The following VPS13C variants were observed in gnomAD, a reference collection of about 807,000 sequenced individuals.
VPS13C encodes vacuolar protein sorting 13 homolog C.
In VPS13C, 358 loss-of-function variants were observed where a neutral mutation model predicts 456.8. The ratio of observed to expected loss-of-function variants is 0.78; its 90% CI spans 0.72 to 0.86. The LOEUF (loss-of-function observed/expected upper bound fraction) is 0.86. Ranked by LOEUF, VPS13C falls within the 40% of genes least tolerant of loss-of-function variation. The pLI is 0.00. For synonymous variants in VPS13C, 1,578 were observed against 1,486.7 expected (o/e 1.06, Z -1.41); for missense variants, 4,818 against 4,385.4 (o/e 1.10, Z -2.79).
In VPS13C at chr15:62,013,075, G is replaced by A; in HGVS notation, c.789C>T (p.Cys263=). The change falls in exon 11 of 85, where the codon TGC becomes TGT. Residue 263 remains cysteine (C), a synonymous_variant. Coordinates refer to ENST00000644861, the MANE Select transcript of VPS13C (RefSeq NM_020821.3). ...CCCTTGATCTCTGGTAAGACATGCT[G>A]CAATTTACATTCCAGTAGGCGCTAA... ...DSLSAYWNVN[C]SMSYQRSREQ... The A allele has an allele frequency of 6.2e-7, 1 of 1,610,824 alleles. No individual in the cohort carries two copies. The highest frequency in any genetic ancestry group is 8.5e-7 in the Non-Finnish European group (1 of 1,178,282).
intron 3 of VPS13C, among the ~76,000 whole-genome samples, chr15:62,039,143 T>C (rs1245362777): frequency 6.6e-6 from 1 of 152,188 alleles, no homozygotes; most frequent in East Asian, 1.9e-4. Context: ...CATATGTTTA[T>C]CACAGCACTA....
chr15:61,970,718 C>T (rs2045520584), intron 27 of VPS13C, among the ~76,000 whole-genome samples: 1 of 151,880 alleles, frequency 6.6e-6, no homozygotes, highest in South Asian at 2.1e-4. Flanking sequence ...GTTATAGTAA[C>T]AGAAAACAAA....
At chr15:61,971,207 T>C (rs1329628922) in intron 27 of VPS13C, among the ~76,000 whole-genome samples, 1 of 152,194 alleles carries the variant, frequency 6.6e-6, no homozygotes, top group Non-Finnish European at 1.5e-5. Flanking sequence ...TTGAAGTCAG[T>C]GGAGGATACT....
At chr15:61,965,903 G>A (rs1011756687) in intron 30 of VPS13C, among the ~76,000 whole-genome samples, 180 bp downstream of exon 30, 1 of 151,766 alleles carries the variant, frequency 6.6e-6, no homozygotes, top group Admixed American at 6.6e-5. Context: ...TAACAAAACA[G>A]CTTTACTAAG....
At chr15:61,871,941 G>T in intron 79 of VPS13C, 48 bp downstream of exon 79, 9 of 1,506,898 alleles carry the variant, frequency 6.0e-6, no homozygotes, top group Non-Finnish European at 8.2e-6. Flanking sequence ...TTTACTAATA[G>T]CATCAAGTCT....
intron 46 of VPS13C, 98 bp from the exon 47 acceptor site, chr15:61,940,892 G>A: frequency 8.1e-7 from 1 of 1,234,416 alleles, no homozygotes; most frequent in Non-Finnish European, 1.1e-6. Context: ...ATTTCATAAA[G>A]GCTAAAAGCT....
In VPS13C at chr15:61,867,272, A is replaced by G; in HGVS notation, c.10863+1387T>C. 3 of 984,504 alleles carry G rather than the reference A, an allele frequency of 3.0e-6. No homozygotes were observed. Among genetic ancestry groups the G allele is most frequent in the Middle Eastern group, 5.2e-4 (1 of 1,912 alleles). The allele number at this position is 984,504 out of a possible 1,614,324, so 61.0% of individuals were successfully genotyped here. A position where few individuals can be genotyped will look rare whatever the true frequency, so the allele number is the denominator to read the frequency against. ...AAAGCAGAAATGCTAAAGGCTGAAA[A>G]TGTATATAACATAATTATAAAATGG... On this transcript the variant is annotated intron_variant, in intron 81 of 84. Transcript: ENST00000644861. The surrounding 1 kb of genome is among the most constrained non-coding windows in gnomAD (Gnocchi z 5.0).
chr15:61,942,070 G>T lies in VPS13C; in HGVS notation c.5149-3C>A. The T allele has an allele frequency of 6.4e-7, 1 of 1,566,474 alleles. No homozygotes were observed. Among genetic ancestry groups the T allele is most frequent in the Non-Finnish European group, 8.7e-7 (1 of 1,152,532 alleles). Reference sequence around the variant, plus strand: ...GTTTGGAAATTGTTGAGGAAGTTCTGTTGGAAGAGACAGATATTTAGGGGA... The same window carrying T: ...GTTTGGAAATTGTTGAGGAAGTTCTTTTGGAAGAGACAGATATTTAGGGGA... On this transcript the variant is annotated splice_polypyrimidine_tract_variant and splice_region_variant and intron_variant, in intron 45 of 84. Coordinates refer to ENST00000644861, the MANE Select transcript of VPS13C (RefSeq NM_020821.3).
chr15:61,879,407 A>G (rs1215966509), intron 73 of VPS13C: 2 of 152,132 alleles, frequency 1.3e-5, no homozygotes, highest in Non-Finnish European at 2.9e-5. Flanking sequence ...AACGCCAGGA[A>G]AGCCTGTGGT....
chr15:61,984,152 C>T, intron 19 of VPS13C, 140 bp from the exon 20 acceptor site: 1 of 705,154 alleles, frequency 1.4e-6, no homozygotes, highest in South Asian at 2.1e-5. Flanking sequence ...AGCTCAACCT[C>T]CTTAGCCAGG....
chr15:61,969,140 C>T (rs112804808), intron 28 of VPS13C, among the ~76,000 whole-genome samples, 159 bp downstream of exon 28: 25 of 152,218 alleles, frequency 1.6e-4, no homozygotes, highest in African/African-American at 5.8e-4. Flanking sequence ...CTGCCTACCC[C>T]ATAGCACTGC....
Position 61,907,305 on chromosome 15 carries a change from A to G in VPS13C, c.9064T>C (p.Trp3022Arg). ...ADPTGTRKLTWTYAANVGEHD... is the reference protein window; with the variant it reads ...ADPTGTRKLTRTYAANVGEHD... ...TCCCCAACATTTGCTGCATATGTCCATGTAAGTTTTCTGGTACCAGTAGGA... is the reference window on the plus strand; with the variant it reads ...TCCCCAACATTTGCTGCATATGTCCGTGTAAGTTTTCTGGTACCAGTAGGA... Residue 3022 changes from tryptophan to arginine, a missense_variant, in exon 66 of 85, where the codon TGG (tryptophan) becomes CGG (arginine). Around this residue, in one of 3 missense-constraint regions of VPS13C, gnomAD observed 4,552 missense variants for 4,130.6 expected, o/e 1.10. Coordinates refer to ENST00000644861, the MANE Select transcript of VPS13C (RefSeq NM_020821.3). 1 of 1,614,014 alleles carries G rather than the reference A, an allele frequency of 6.2e-7. No individual in the cohort carries two copies. The highest frequency in any genetic ancestry group is 8.5e-7 in the Non-Finnish European group (1 of 1,179,868).
At chr15:61,957,542 A>G (rs1173960512) in intron 37 of VPS13C, among the ~76,000 whole-genome samples, 1 of 152,142 alleles carries the variant, frequency 6.6e-6, no homozygotes, top group Non-Finnish European at 1.5e-5. Flanking sequence ...TTTTAATGTG[A>G]TAATATACTA....
intron 47 of VPS13C, 36 bp from the exon 48 acceptor site, chr15:61,936,786 T>TA (rs753621291): frequency 3.0e-5 from 47 of 1,557,514 alleles, no homozygotes; most frequent in Admixed American, 1.0e-4. Context: ...CTCTAAGTAA[T>TA]AAAAAAAATG....
At chr15:61,973,131 T>C (rs2045604917) in intron 26 of VPS13C, among the ~76,000 whole-genome samples, 1 of 152,166 alleles carries the variant, frequency 6.6e-6, no homozygotes, top group Non-Finnish European at 1.5e-5. Flanking sequence ...GCTTACATTC[T>C]AGTTCAAAAT....
intron 66 of VPS13C, among the ~76,000 whole-genome samples, chr15:61,896,209 T>C (rs1470900506): frequency 6.6e-6 from 1 of 152,204 alleles, no homozygotes; most frequent in Admixed American, 6.5e-5. Context: ...TGCTGAATTC[T>C]ACCAAACACT....
At position 61,890,468 on chromosome 15, in the gene VPS13C, A is replaced by C; in HGVS notation, c.9106-68T>G. ...TGTTATTATATAAAATTGAACTATA[A>C]TAACAGAAAGATTAGAAAAGTTTAA... On this transcript the variant is annotated intron_variant, in intron 66 of 84. Coordinates refer to ENST00000644861, the MANE Select transcript of VPS13C (RefSeq NM_020821.3). The C allele has an allele frequency of 2.2e-6, 3 of 1,368,074 alleles. No individual in the cohort carries two copies. In the South Asian group the frequency reaches 4.0e-5, roughly 18 times the overall value. The allele number at this position is 1,368,074 out of a possible 1,614,324, so 84.7% of individuals were successfully genotyped here. A position where few individuals can be genotyped will look rare whatever the true frequency, so the allele number is the denominator to read the frequency against.
At position 61,946,033 on chromosome 15, in the gene VPS13C, T is replaced by C. The variant is rs1056550358; in HGVS notation, c.4981-151A>G. 13 of 732,072 alleles carry C rather than the reference T, an allele frequency of 1.8e-5. No individual in the cohort carries two copies. In the African/African-American group the frequency reaches 2.2e-4, roughly 12 times the overall value. 45.3% of individuals were successfully genotyped at this position (732,072 alleles called of 1,614,324 possible). ...AATTATTAGCTAAAAACATTTTACGTGACAATAACTTCTTCCTATTTCTAT... is the reference window on the plus strand; with the variant it reads ...AATTATTAGCTAAAAACATTTTACGCGACAATAACTTCTTCCTATTTCTAT... On this transcript the variant is annotated intron_variant, in intron 44 of 84. Transcript: ENST00000644861.
intron 1 of VPS13C, among the ~76,000 whole-genome samples, chr15:62,060,043 G>C (rs547676841): frequency 8.5e-5 from 13 of 152,330 alleles, no homozygotes; most frequent in South Asian, 4.1e-4. Flanking sequence ...GGACGAGAAA[G>C]GTGGGAACTT....
Sources: gnomAD v4.1 joint callset for allele counts (sites outside exome capture counted in the v4.1 genomes callset) on GRCh38, gnomAD v4.1.1 for gene constraint, gnomAD v4.1.1 regional missense constraint, Gnocchi (gnomAD v3.1) non-coding constraint, MANE v1.5 for transcripts, NCBI Gene and HGNC (gene_info 2026-07-23, HGNC 2026-07-21) for gene names.